ANO3: variants seen among roughly 807,000 people sequenced by gnomAD.
ANO3 encodes anoctamin-3.
A neutral mutation model predicts 144.8 loss-of-function variants in ANO3; 99 were observed. The ratio of observed to expected loss-of-function variants is 0.68; its 90% CI spans 0.58 to 0.81. ANO3 has a LOEUF of 0.81. ANO3 is among the 30% of genes least tolerant of loss of function. The pLI, the probability that ANO3 is intolerant of heterozygous loss-of-function variation, is 0.00. For synonymous variants in ANO3, 414 were observed against 392.6 expected (o/e 1.05, Z -0.64); for missense variants, 905 against 1,202.2 (o/e 0.75, Z 3.66).
At chr11:26,447,293 CCTT>C (rs1211952847) in intron 3 of ANO3, among the ~76,000 whole-genome samples, 5 of 151,202 alleles carry the variant, frequency 3.3e-5, no homozygotes, top group Non-Finnish European at 5.9e-5. Flanking sequence ...TTACTGGACT[CCTT>C]ATTATTATAC....
At chr11:26,231,258 G>A (rs1006604158) in intron 1 of ANO3, among the ~76,000 whole-genome samples, 6 of 152,104 alleles carry the variant, frequency 3.9e-5, no homozygotes, top group East Asian at 1.9e-4. Flanking sequence ...GTCTGACCTC[G>A]GGAGCCTTGG....
At chr11:26,302,234 C>T (rs1332622629) in intron 1 of ANO3, among the ~76,000 whole-genome samples, 1 of 152,192 alleles carries the variant, frequency 6.6e-6, no homozygotes, top group East Asian at 1.9e-4. Context: ...CGGTGGCTCA[C>T]GACTGTAATC....
At chr11:26,304,342 T>A (rs1385989602) in intron 1 of ANO3, among the ~76,000 whole-genome samples, 1 of 152,178 alleles carries the variant, frequency 6.6e-6, no homozygotes, top group African/African-American at 2.4e-5. Flanking sequence ...AGGATTTATA[T>A]GTAATATAAC....
chr11:26,609,726 A>G (rs2132960721), intron 17 of ANO3, among the ~76,000 whole-genome samples: 1 of 152,110 alleles, frequency 6.6e-6, no homozygotes, highest in East Asian at 1.9e-4. Flanking sequence ...TCTTCTACAT[A>G]CTGATTTCAT....
chr11:26,564,784 T>TATAG (rs1850498072), intron 14 of ANO3, among the ~76,000 whole-genome samples: 1 of 99,880 alleles, frequency 1.0e-5, no homozygotes, highest in African/African-American at 3.5e-5. Flanking sequence ...TATATATATA[T>TATAG]AAGTTCAGTT....
At chr11:26,383,694 G>A (rs1251896449) in intron 1 of ANO3, among the ~76,000 whole-genome samples, 5 of 151,990 alleles carry the variant, frequency 3.3e-5, no homozygotes, top group Admixed American at 3.3e-4. Context: ...ACTGCGAGGG[G>A]TAAAAATACA....
chr11:26,624,078 G>T (rs1277631864), intron 17 of ANO3, among the ~76,000 whole-genome samples: 1 of 152,124 alleles, frequency 6.6e-6, no homozygotes, highest in Non-Finnish European at 1.5e-5. Context: ...GAGCCACCGC[G>T]CCCGGCCAAA....
intron 26 of ANO3, among the ~76,000 whole-genome samples, chr11:26,659,331 C>A (rs993024226): frequency 6.6e-6 from 1 of 151,704 alleles, no homozygotes; most frequent in African/African-American, 2.4e-5. Context: ...TACTTCCTAC[C>A]ACAGACATAC....
intron 1 of ANO3, among the ~76,000 whole-genome samples, chr11:26,338,572 T>C (rs1416815297): frequency 6.6e-6 from 1 of 152,130 alleles, no homozygotes; most frequent in Non-Finnish European, 1.5e-5. Flanking sequence ...GAAGCTTTGT[T>C]CTTTCGCTTT....
chr11:26,538,233 T>C (rs907270777), intron 10 of ANO3, among the ~76,000 whole-genome samples: 4 of 152,152 alleles, frequency 2.6e-5, no homozygotes, highest in African/African-American at 9.7e-5. Context: ...CTTTGAGATA[T>C]ACAATAACAT....
intron 4 of ANO3, among the ~76,000 whole-genome samples, chr11:26,485,256 C>T (rs930932425): frequency 6.6e-6 from 1 of 152,006 alleles, no homozygotes; most frequent in African/African-American, 2.4e-5. Context: ...CATGTTGAAT[C>T]GCAATTTCCA....
intron 21 of ANO3, among the ~76,000 whole-genome samples, chr11:26,639,758 T>A (rs890313811): frequency 6.6e-6 from 1 of 152,214 alleles, no homozygotes; most frequent in Non-Finnish European, 1.5e-5. Flanking sequence ...AATAGCATTC[T>A]ATTTTCATTA....
At chr11:26,356,508 TG>T (rs1286505515) in intron 1 of ANO3, among the ~76,000 whole-genome samples, 5 of 152,210 alleles carry the variant, frequency 3.3e-5, no homozygotes, top group African/African-American at 9.6e-5. Context: ...CAGTATATAT[TG>T]TTTTTTATCC....
chr11:26,240,773 A>T (rs1268638586), intron 1 of ANO3, among the ~76,000 whole-genome samples: 2 of 152,204 alleles, frequency 1.3e-5, no homozygotes, highest in Non-Finnish European at 2.9e-5. Context: ...GCCCACACTT[A>T]CAACTACTGC....
At chr11:26,449,064 A>G (rs1858818025) in intron 3 of ANO3, among the ~76,000 whole-genome samples, 1 of 152,188 alleles carries the variant, frequency 6.6e-6, no homozygotes, top group Non-Finnish European at 1.5e-5. Context: ...TCACTCTGGT[A>G]TTCAGAGACC....
intron 1 of ANO3, among the ~76,000 whole-genome samples, chr11:26,365,977 TATATATATATATATATATATATATA>T (rs1167220085): frequency 4.1e-5 from 3 of 73,322 alleles, no homozygotes; most frequent in Non-Finnish European, 8.8e-5. Context: ...TATATATATA[TATATATATATATATATATATATATA>T]TTTTAATTAT....
rs144326501 is a variant in ANO3, at chr11:26,399,713, A to G, written c.47-42205A>G. ...TGCTTTTGTTGATGGTTGAAGGTAT[A>G]AGTCCCTCCCCTGCCCCTGCCCCCT... On this transcript the variant is annotated intron_variant, in intron 1 of 26. Coordinates refer to ENST00000256737, the MANE Select transcript of ANO3 (RefSeq NM_031418.4). Among the ~76,000 whole-genome samples the G allele has an allele frequency of 4.3e-3, 651 of 151,966 alleles. 5 individuals carry two copies. The highest frequency in any genetic ancestry group is 0.02 in the Middle Eastern group (6 of 294).
chr11:26,338,556 G>A (rs994912713), intron 1 of ANO3, among the ~76,000 whole-genome samples: 2 of 152,130 alleles, frequency 1.3e-5, no homozygotes, highest in African/African-American at 4.8e-5. Flanking sequence ...CCCCTTCCAT[G>A]GTGTGGAAGC....
intron 1 of ANO3, among the ~76,000 whole-genome samples, chr11:26,435,236 T>C (rs1266812654): frequency 4.6e-5 from 7 of 152,306 alleles, no homozygotes; most frequent in Non-Finnish European, 8.8e-5. Context: ...TTTAAGAATG[T>C]GAATACAGGC....
Sources: allele counts gnomAD v4.1 joint callset (sites outside exome capture counted in the v4.1 genomes callset), GRCh38; gene constraint gnomAD v4.1.1; transcripts MANE v1.5; gene names NCBI Gene and HGNC (gene_info 2026-07-23, HGNC 2026-07-21).